GRM3: variants seen among roughly 807,000 people sequenced by gnomAD.
The protein encoded by GRM3 is metabotropic glutamate receptor 3.
GRM3 carries 26 observed loss-of-function variants against 70.5 expected under a neutral mutation model. The ratio of observed to expected loss-of-function variants is 0.37; its 90% CI spans 0.27 to 0.51. The LOEUF (loss-of-function observed/expected upper bound fraction) is 0.51. Ranked by LOEUF, GRM3 falls within the 20% of genes least tolerant of loss-of-function variation. The pLI is 0.93. For synonymous variants in GRM3, 443 were observed against 434.9 expected (o/e 1.02, Z -0.23); for missense variants, 859 against 1,123.8 (o/e 0.76, Z 3.37).
In GRM3 at chr7:86,852,871, T is replaced by C. The variant is rs532466432; in HGVS notation, c.2566+2327T>C. On this transcript the variant is annotated intron_variant, in intron 5 of 5. Transcript: ENST00000361669. ...TTTTATAGGTAAGAAAATTGAGAAT[T>C]GAAGTTACTTCTCAAGGATATACAG... is the stretch of plus-strand genomic sequence containing the variant. Among the ~76,000 whole-genome samples, 113 of 152,282 alleles carry C rather than the reference T, an allele frequency of 7.4e-4. 1 individual carries two copies. Among genetic ancestry groups the C allele is most frequent in the African/African-American group, 2.6e-3 (110 of 41,584 alleles).
intron 3 of GRM3, among the ~76,000 whole-genome samples, chr7:86,814,153 C>CCACTACACT: frequency 6.6e-6 from 1 of 151,926 alleles, no homozygotes; most frequent in East Asian, 1.9e-4. Flanking sequence ...GGCTCTGTTG[C>CCACTACACT]GGTCACAGTC....
intron 1 of GRM3, among the ~76,000 whole-genome samples, chr7:86,702,938 C>A (rs1349043170): frequency 6.6e-6 from 1 of 151,914 alleles, no homozygotes; most frequent in African/African-American, 2.4e-5. Flanking sequence ...ACAAATCACC[C>A]ATGTTGAGTC....
intron 5 of GRM3, among the ~76,000 whole-genome samples, chr7:86,857,980 G>A (rs767525764): frequency 3.5e-4 from 52 of 147,240 alleles, no homozygotes; most frequent in Non-Finnish European, 6.6e-4. Flanking sequence ...TTTTTGAGAC[G>A]GAGTCTCACT....
intron 3 of GRM3, among the ~76,000 whole-genome samples, chr7:86,801,994 A>T (rs1797693853): frequency 6.6e-6 from 1 of 152,188 alleles, no homozygotes. Flanking sequence ...TTTCACCCTG[A>T]ATTTAAGCTA....
At chr7:86,813,313 T>C (rs1361553353) in intron 3 of GRM3, among the ~76,000 whole-genome samples, 1 of 151,734 alleles carries the variant, frequency 6.6e-6, no homozygotes, top group African/African-American at 2.4e-5. Context: ...TCCAGCTTCA[T>C]GGGTCTTTAG....
At chr7:86,773,389 A>T (rs1796796301) in intron 2 of GRM3, among the ~76,000 whole-genome samples, 1 of 151,946 alleles carries the variant, frequency 6.6e-6, no homozygotes, top group Non-Finnish European at 1.5e-5. Context: ...TACTTTCAAC[A>T]TCTCCAGCCC....
intron 3 of GRM3, among the ~76,000 whole-genome samples, chr7:86,837,403 G>C (rs1045559929): frequency 6.6e-6 from 1 of 152,138 alleles, no homozygotes; most frequent in Non-Finnish European, 1.5e-5. Context: ...AATGAAGCTC[G>C]CAGGGGAGGC....
intron 3 of GRM3, among the ~76,000 whole-genome samples, chr7:86,818,278 T>G (rs950599706): frequency 6.6e-6 from 1 of 152,044 alleles, no homozygotes; most frequent in Non-Finnish European, 1.5e-5. Flanking sequence ...GCCAACTAAA[T>G]CAACATGTGA....
chr7:86,787,705 T>A (rs10280549), intron 3 of GRM3, among the ~76,000 whole-genome samples: 29,257 of 152,196 alleles, frequency 0.19, 3,010 homozygotes, highest in Middle Eastern at 0.31. Context: ...TAGTTGGGGA[T>A]TTTCTCAAAA....
intron 1 of GRM3, among the ~76,000 whole-genome samples, chr7:86,695,542 C>T (rs987041137): frequency 4.6e-5 from 7 of 152,104 alleles, no homozygotes; most frequent in East Asian, 1.9e-4. Flanking sequence ...CATTAAAGGA[C>T]GGGAAAGCTG....
chr7:86,677,788 G>A (rs529722483), intron 1 of GRM3, among the ~76,000 whole-genome samples: 43 of 151,898 alleles, frequency 2.8e-4, no homozygotes, highest in South Asian at 6.2e-4. Flanking sequence ...AAAATGGCCC[G>A]CAAAGAATGG....
intron 1 of GRM3, among the ~76,000 whole-genome samples, chr7:86,682,357 G>A (rs76168507): frequency 2.0e-3 from 299 of 152,110 alleles, no homozygotes; most frequent in Non-Finnish European, 3.1e-3. Context: ...TATTTTATGC[G>A]AATGCCACTG....
At chr7:86,774,750 C>A (rs898040685) in intron 2 of GRM3, among the ~76,000 whole-genome samples, 3 of 152,004 alleles carry the variant, frequency 2.0e-5, no homozygotes, top group Admixed American at 2.0e-4. Context: ...TCGGTAGATA[C>A]CATAAGGTTC....
At chr7:86,817,688 A>T (rs1043594867) in intron 3 of GRM3, among the ~76,000 whole-genome samples, 2 of 151,764 alleles carry the variant, frequency 1.3e-5, no homozygotes, top group Admixed American at 6.6e-5. Flanking sequence ...GGGTTTTGGA[A>T]CTCATTTATC....
intron 3 of GRM3, among the ~76,000 whole-genome samples, chr7:86,798,178 G>A (rs1197024148): frequency 2.0e-5 from 3 of 152,166 alleles, no homozygotes; most frequent in Non-Finnish European, 4.4e-5. Flanking sequence ...CCCATCTGGG[G>A]ACTGCATAGT....
chr7:86,821,550 G>A lies in GRM3; in HGVS notation c.1325-17289G>A, dbSNP rs542988846. Among the ~76,000 whole-genome samples, 18 of 152,180 alleles carry A rather than the reference G, an allele frequency of 1.2e-4. No individual in the cohort carries two copies. In the South Asian group the frequency reaches 3.3e-3, roughly 28 times the overall value. On this transcript the variant is annotated intron_variant, in intron 3 of 5. Coordinates refer to ENST00000361669, the MANE Select transcript of GRM3 (RefSeq NM_000840.3). ...ATAACCCTATGGGTAAACAAGACGC[G>A]AAAAATGAAGTGGACAGTACATGGT...
At chr7:86,792,168 A>G (rs1219186341) in intron 3 of GRM3, among the ~76,000 whole-genome samples, 2 of 152,210 alleles carry the variant, frequency 1.3e-5, no homozygotes, top group Non-Finnish European at 2.9e-5. Context: ...CTCACTTTTT[A>G]TCCTGAGACC....
intron 3 of GRM3, among the ~76,000 whole-genome samples, chr7:86,792,087 C>G (rs1260292265): frequency 6.6e-6 from 1 of 152,074 alleles, no homozygotes; most frequent in African/African-American, 2.4e-5. Flanking sequence ...AAAAGGAAGT[C>G]GAGAGGTCTA....
At chr7:86,787,248 A>C in intron 3 of GRM3, 132 bp downstream of exon 3, 1 of 734,082 alleles carries the variant, frequency 1.4e-6, no homozygotes, top group Non-Finnish European at 2.3e-6. Flanking sequence ...TTAACCAAAT[A>C]TTCCAGGATG....
Sources: allele counts gnomAD v4.1 joint callset (sites outside exome capture counted in the v4.1 genomes callset), GRCh38; gene constraint gnomAD v4.1.1; transcripts MANE v1.5; gene names NCBI Gene and HGNC (gene_info 2026-07-23, HGNC 2026-07-21).